PIK3C2G: variants seen among roughly 807,000 people sequenced by gnomAD.
PIK3C2G encodes phosphatidylinositol-4-phosphate 3-kinase catalytic subunit type 2 gamma.
Under a neutral mutation model 181.1 loss-of-function variants are expected in PIK3C2G, and 168 were observed. The ratio of observed to expected loss-of-function variants is 0.93; its 90% confidence interval spans 0.82 to 1.05. PIK3C2G has a LOEUF of 1.05. Among genes scored for constraint, PIK3C2G ranks in the 50% least tolerant of loss-of-function variants. PIK3C2G has a pLI of 0.00. For synonymous variants in PIK3C2G, 573 were observed against 592.2 expected (o/e 0.97, Z 0.47); for missense variants, 1,869 against 1,732.8 (o/e 1.08, Z -1.40).
intron 2 of PIK3C2G, among the ~76,000 whole-genome samples, chr12:18,285,957 C>T (rs35016586): frequency 0.097 from 14,620 of 151,378 alleles, 799 homozygotes; most frequent in Middle Eastern, 0.13. Flanking sequence ...ACACAAGAAA[C>T]AAAGGCAGAG....
At chr12:18,250,222 C>T (rs2136948370) in intron 1 of PIK3C2G, among the ~76,000 whole-genome samples, 1 of 151,906 alleles carries the variant, frequency 6.6e-6, no homozygotes, top group East Asian at 1.9e-4. Flanking sequence ...TATAAAATGG[C>T]ACATATTATG....
rs554405953 is a variant in PIK3C2G, at chr12:18,391,356, A to G, written c.2126+104A>G. Reference sequence around the variant, plus strand: ...TCAAAGAGTGAGTGTTCCTTCCTACATAACTGGTTTCATTTCCTGATGTCA... The same window carrying G: ...TCAAAGAGTGAGTGTTCCTTCCTACGTAACTGGTTTCATTTCCTGATGTCA... On this transcript the variant is annotated intron_variant, in intron 15 of 32. Transcript: ENST00000538779. The G allele has an allele frequency of 1.5e-4, 118 of 772,928 alleles. No individual in the cohort carries two copies. The South Asian group carries it at 3.7e-3, about 25-fold the overall frequency. 47.9% of individuals were successfully genotyped at this position (772,928 alleles called of 1,614,324 possible).
rs1939279026 is a variant in PIK3C2G at position 18,342,954 on chromosome 12, T to C, written c.1396-373T>C. Among the ~76,000 whole-genome samples the C allele has an allele frequency of 1.3e-5, 2 of 152,068 alleles. 1 individual carries two copies. Among genetic ancestry groups the C allele is most frequent in the Admixed American group, 1.3e-4 (2 of 15,236 alleles). ...CAATTCAGTCTTGTTTTTGGTGCTG[T>C]CCAAAGCTTGCTGAATAACTGCTAG... is the stretch of plus-strand genomic sequence containing the variant. On this transcript the variant is annotated intron_variant, in intron 9 of 32. Coordinates refer to ENST00000538779, the MANE Select transcript of PIK3C2G (RefSeq NM_001288772.2).
chr12:18,551,834 A>G (rs1393060637), intron 26 of PIK3C2G, among the ~76,000 whole-genome samples: 1 of 152,114 alleles, frequency 6.6e-6, no homozygotes, highest in Non-Finnish European at 1.5e-5. Context: ...TCTGCTTAGC[A>G]TATTCTATTG....
At chr12:18,706,743 T>C in the PIK3C2G span, among the ~76,000 whole-genome samples, 1 of 152,214 alleles carries the variant, frequency 6.6e-6, no homozygotes, top group African/African-American at 2.4e-5. Context: ...TTCACAGCAC[T>C]CAGAACAGGG....
intron 5 of PIK3C2G, among the ~76,000 whole-genome samples, chr12:18,303,100 C>CTCTTTTTCTTTCTTTCTTTCTT (rs1555153498): frequency 4.0e-5 from 3 of 75,068 alleles, no homozygotes; most frequent in African/African-American, 5.7e-5. Flanking sequence ...TCTTTTCTTT[C>CTCTTTTTCTTTCTTTCTTTCTT]TCTTTCTTTC....
At chr12:18,684,426 T>C in the PIK3C2G span, 1 of 693,000 alleles carries the variant, frequency 1.4e-6, no homozygotes, top group South Asian at 1.9e-5. Context: ...ATATACTCAG[T>C]GTGAGAGGAA....
At chr12:18,419,063 CAAT>C (rs1483042004) in intron 16 of PIK3C2G, among the ~76,000 whole-genome samples, 15 of 152,142 alleles carry the variant, frequency 9.9e-5, no homozygotes, top group African/African-American at 2.7e-4. Context: ...CGTGTAACGA[CAAT>C]GAGTTCAGGT....
At chr12:18,367,889 T>C (rs1941755388) in intron 12 of PIK3C2G, among the ~76,000 whole-genome samples, 1 of 152,140 alleles carries the variant, frequency 6.6e-6, no homozygotes, top group Non-Finnish European at 1.5e-5. Flanking sequence ...GATGTTTACT[T>C]GACTCACAGT....
At position 18,500,015 on chromosome 12, in the gene PIK3C2G, C is replaced by T. The variant is rs972839737; in HGVS notation, c.3016+2267C>T. 2.6e-5 allele frequency among the ~76,000 whole-genome samples: 4 copies of T among 152,262 alleles called. 1 individual carries two copies. The highest frequency in any genetic ancestry group is 5.9e-5 in the Non-Finnish European group (4 of 68,044). The stretch of plus-strand genomic sequence containing the variant: ...CCTCACAGCCCTCGCTCGCTCTCGG[C>T]GCCTCCTCTGCCTGGGCTCCCACTT... On this transcript the variant is annotated intron_variant, in intron 22 of 32. Coordinates refer to ENST00000538779, the MANE Select transcript of PIK3C2G (RefSeq NM_001288772.2).
the PIK3C2G span, among the ~76,000 whole-genome samples, chr12:18,721,933 T>C: frequency 1.3e-5 from 2 of 152,032 alleles, no homozygotes; most frequent in Non-Finnish European, 2.9e-5. Context: ...AAAATCTTTA[T>C]TGTGGCCTAT....
At chr12:18,517,436 G>A (rs892652316) in intron 24 of PIK3C2G, among the ~76,000 whole-genome samples, 5 of 152,154 alleles carry the variant, frequency 3.3e-5, no homozygotes, top group Non-Finnish European at 7.4e-5. Flanking sequence ...TTTCCTTGAA[G>A]AGGTCCTTCA....
the PIK3C2G span, chr12:18,712,763 G>C: frequency 6.6e-7 from 1 of 1,512,010 alleles, no homozygotes; most frequent in East Asian, 2.3e-5. Flanking sequence ...GTAAGGCTAA[G>C]CATTATAGGA....
chr12:18,563,323 G>A, intron 27 of PIK3C2G, 54 bp from the exon 28 acceptor site: 2 of 1,536,880 alleles, frequency 1.3e-6, no homozygotes, highest in Non-Finnish European at 8.8e-7. Flanking sequence ...GTTTTAGAGT[G>A]TATCACAGGC....
At chr12:18,553,929 T>C (rs1413116472) in intron 26 of PIK3C2G, among the ~76,000 whole-genome samples, 1 of 152,088 alleles carries the variant, frequency 6.6e-6, no homozygotes, top group African/African-American at 2.4e-5. Flanking sequence ...CCAAAGACTT[T>C]TCCTACTTTA....
At chr12:18,327,269 ATAT>A (rs1951387861) in intron 8 of PIK3C2G, among the ~76,000 whole-genome samples, 2 of 152,104 alleles carry the variant, frequency 1.3e-5, no homozygotes, top group Admixed American at 6.5e-5. Context: ...ACAGACTATG[ATAT>A]TATCAGTTCA....
chr12:18,464,274 A>G (rs1228378427), intron 18 of PIK3C2G, among the ~76,000 whole-genome samples: 1 of 152,074 alleles, frequency 6.6e-6, no homozygotes, highest in African/African-American at 2.4e-5. Flanking sequence ...CGTGGTGGAA[A>G]GAGAAAACAG....
At chr12:18,688,014 T>C in the PIK3C2G span, 10 of 1,569,078 alleles carry the variant, frequency 6.4e-6, no homozygotes, top group Non-Finnish European at 8.7e-6. Flanking sequence ...GTACAAAAAC[T>C]CTATCAACAT....
chr12:18,474,290 T>C (rs1355420302), intron 18 of PIK3C2G, among the ~76,000 whole-genome samples: 1 of 152,126 alleles, frequency 6.6e-6, no homozygotes, highest in Non-Finnish European at 1.5e-5. Context: ...TATAGCCAAC[T>C]CCTTAGCCTG....
Sources: allele counts gnomAD v4.1 joint callset (sites outside exome capture counted in the v4.1 genomes callset), GRCh38; gene constraint gnomAD v4.1.1; transcripts MANE v1.5; gene names NCBI Gene and HGNC (gene_info 2026-07-23, HGNC 2026-07-21).